The following GXYLT2 variants were observed in gnomAD, a reference collection of about 807,000 sequenced individuals.
GXYLT2 encodes the protein glucoside xylosyltransferase 2.
In GXYLT2, 53 loss-of-function variants were observed where a neutral mutation model predicts 45.8. The ratio of observed to expected loss-of-function variants is 1.16; its 90% confidence interval spans 0.93 to 1.46. The LOEUF (loss-of-function observed/expected upper bound fraction) is 1.46, where lower values mean the gene tolerates loss of function less well. Among genes scored for constraint, GXYLT2 ranks in the 40% most tolerant of loss-of-function variants. GXYLT2 has a pLI of 0.00. For synonymous variants in GXYLT2, 219 were observed against 214.2 expected (o/e 1.02, Z -0.19); for missense variants, 551 against 544.4 (o/e 1.01, Z -0.12).
intron 1 of GXYLT2, among the ~76,000 whole-genome samples, chr3:72,905,265 A>C (rs989146458): frequency 6.6e-6 from 1 of 151,784 alleles, no homozygotes; most frequent in Non-Finnish European, 1.5e-5. Context: ...TTACAGGCAC[A>C]CGCCACCACA....
At chr3:72,951,511 T>C (rs1710524759) in intron 3 of GXYLT2, among the ~76,000 whole-genome samples, 1 of 152,182 alleles carries the variant, frequency 6.6e-6, no homozygotes, top group Non-Finnish European at 1.5e-5. Context: ...CACTGCATCC[T>C]TTTAACAACT....
intron 5 of GXYLT2, among the ~76,000 whole-genome samples, chr3:72,961,673 A>AC (rs1710772740): frequency 1.4e-5 from 2 of 145,738 alleles, no homozygotes; most frequent in South Asian, 2.2e-4. Flanking sequence ...AAAAAAAAAA[A>AC]AAGAGAGAGA....
chr3:72,929,919 C>T (rs1360408342), intron 3 of GXYLT2, among the ~76,000 whole-genome samples: 1 of 152,152 alleles, frequency 6.6e-6, no homozygotes. Context: ...GTAATCCCAG[C>T]ACTTTGGGAG....
intron 3 of GXYLT2, among the ~76,000 whole-genome samples, chr3:72,932,264 G>T (rs1437692025): frequency 6.6e-6 from 1 of 151,956 alleles, no homozygotes; most frequent in East Asian, 1.9e-4. Context: ...CACCATGTTG[G>T]CCAGGCTGGT....
intron 3 of GXYLT2, among the ~76,000 whole-genome samples, chr3:72,933,160 C>G (rs892232942): frequency 2.0e-5 from 3 of 152,184 alleles, no homozygotes; most frequent in South Asian, 4.1e-4. Context: ...ACTACTGAGA[C>G]AGTTAATTCT....
chr3:72,970,356 A>C (rs1424221383), intron 6 of GXYLT2, among the ~76,000 whole-genome samples: 2 of 151,726 alleles, frequency 1.3e-5, no homozygotes, highest in African/African-American at 2.4e-5. Flanking sequence ...ATCTCAAAAA[A>C]ACCAATTAAT....
At chr3:72,908,866 T>C (rs1003453792) in intron 2 of GXYLT2, among the ~76,000 whole-genome samples, 1 of 152,054 alleles carries the variant, frequency 6.6e-6, no homozygotes, top group African/African-American at 2.4e-5. Context: ...GCCTCCCAAG[T>C]AGCTGGGACT....
At chr3:72,949,546 T>A (rs1390289925) in intron 3 of GXYLT2, among the ~76,000 whole-genome samples, 1 of 111,524 alleles carries the variant, frequency 9.0e-6, no homozygotes, top group Non-Finnish European at 1.7e-5. Context: ...GGAGTCTTGC[T>A]CCATCACCAG....
rs535002840 is a variant in GXYLT2 at position 72,953,604 on chromosome 3, T to A, written c.601-1494T>A. Reference sequence around the variant, plus strand: ...AAATTCTGTTGTTTTGAAGAAACTGTGCCCGGCCCACTCTCATTGTTTATC... The same window carrying A: ...AAATTCTGTTGTTTTGAAGAAACTGAGCCCGGCCCACTCTCATTGTTTATC... On this transcript the variant is annotated intron_variant, in intron 3 of 6. Coordinates refer to ENST00000389617, the MANE Select transcript of GXYLT2 (RefSeq NM_001080393.2). 5.3e-5 allele frequency among the ~76,000 whole-genome samples: 8 copies of A among 152,318 alleles called. 1 individual carries two copies. The highest frequency in any genetic ancestry group is 1.9e-4 in the African/African-American group (8 of 41,584).
intron 5 of GXYLT2, among the ~76,000 whole-genome samples, chr3:72,963,903 G>A (rs1710813735): frequency 6.6e-6 from 1 of 152,186 alleles, no homozygotes; most frequent in African/African-American, 2.4e-5. Flanking sequence ...TCGAACTCCC[G>A]ACCTCAGGTG....
chr3:72,891,030 G>A (rs575949645), intron 1 of GXYLT2, among the ~76,000 whole-genome samples: 1 of 152,246 alleles, frequency 6.6e-6, no homozygotes, highest in South Asian at 2.1e-4. Context: ...TGAGGGAGCA[G>A]GAGGAAAGAT....
intron 3 of GXYLT2, among the ~76,000 whole-genome samples, chr3:72,950,642 G>A (rs897897234): frequency 6.7e-6 from 1 of 149,536 alleles, no homozygotes; most frequent in African/African-American, 2.5e-5. Flanking sequence ...AAAAAAAAAT[G>A]GGCCAAAAGA....
At position 72,975,005 on chromosome 3, in the gene GXYLT2, C is replaced by G; in HGVS notation, c.1178C>G (p.Ser393Cys). Residue 393 changes from serine to cysteine, a missense_variant, in exon 7 of 7, where the codon TCC becomes TGC. By Grantham distance (112) the Ser-to-Cys change is moderately radical (BLOSUM62 -1). Coordinates refer to ENST00000389617, the MANE Select transcript of GXYLT2 (RefSeq NM_001080393.2). Reference protein sequence around the residue: ...DFPFQDNLFQSMYYPLQLKFL... With the variant: ...DFPFQDNLFQCMYYPLQLKFL... Reference sequence around the variant, plus strand: ...CCCTTTCAAGACAATCTCTTTCAATCCATGTATTACCCCCTTCAGCTGAAG... The same window carrying G: ...CCCTTTCAAGACAATCTCTTTCAATGCATGTATTACCCCCTTCAGCTGAAG... 6.3e-7 allele frequency: 1 copy of G among 1,591,740 alleles called. No individual in the cohort carries two copies. Among genetic ancestry groups the G allele is most frequent in the Non-Finnish European group, 8.6e-7 (1 of 1,167,906 alleles).
At chr3:72,943,007 C>T (rs570267930) in intron 3 of GXYLT2, among the ~76,000 whole-genome samples, 29 of 152,242 alleles carry the variant, frequency 1.9e-4, no homozygotes, top group Non-Finnish European at 2.9e-5. Context: ...TATGGGAACT[C>T]TCTGAACTTT....
At chr3:72,923,397 AGACT>A (rs1348630538) in intron 3 of GXYLT2, among the ~76,000 whole-genome samples, 1 of 152,220 alleles carries the variant, frequency 6.6e-6, no homozygotes, top group African/African-American at 2.4e-5. Flanking sequence ...CCTACCTGAC[AGACT>A]GAGACCGTGT....
chr3:72,955,395 T>G, intron 4 of GXYLT2, 46 bp downstream of exon 4: 3 of 1,595,720 alleles, frequency 1.9e-6, no homozygotes, highest in Non-Finnish European at 2.6e-6. Context: ...TGGGAGTTGG[T>G]CTTGTCAACA....
chr3:72,917,112 T>G (rs1709757226), intron 2 of GXYLT2, among the ~76,000 whole-genome samples: 1 of 151,998 alleles, frequency 6.6e-6, no homozygotes, highest in African/African-American at 2.4e-5. Context: ...TTTGTTTTTG[T>G]GTTTGTTTTT....
In GXYLT2 at chr3:72,933,655, TC is replaced by T. The variant is rs1357144454; in HGVS notation, c.600+11323del. On this transcript the variant is annotated intron_variant, in intron 3 of 6. Transcript: ENST00000389617. ...TGGACACAGTGGCTCGTACCTGTAATCCCAACACTTTAGAAGGCCAAGATGG... is the reference window on the plus strand; with the variant it reads ...TGGACACAGTGGCTCGTACCTGTAATCCAACACTTTAGAAGGCCAAGATGG... 2.0e-5 allele frequency among the ~76,000 whole-genome samples: 3 copies of T among 152,156 alleles called. No individual in the cohort carries two copies. The East Asian group carries it at 5.8e-4, about 29-fold the overall frequency.
chr3:72,968,337 A>C (rs1710908979), intron 6 of GXYLT2, among the ~76,000 whole-genome samples: 1 of 152,222 alleles, frequency 6.6e-6, no homozygotes, highest in South Asian at 2.1e-4. Flanking sequence ...AACACATAGG[A>C]TCAAGATTAG....
Sources: allele counts gnomAD v4.1 joint callset (sites outside exome capture counted in the v4.1 genomes callset), GRCh38; gene constraint gnomAD v4.1.1; transcripts MANE v1.5; gene names NCBI Gene and HGNC (gene_info 2026-07-23, HGNC 2026-07-21).